ATP1A1: variants seen among roughly 807,000 people sequenced by gnomAD.
ATP1A1 encodes sodium/potassium-transporting ATPase subunit alpha-1.
ATP1A1 carries 14 observed loss-of-function variants against 114.8 expected under a neutral mutation model. The observed-to-expected ratio is 0.12, with a 90% CI of 0.08 to 0.19. ATP1A1 has a LOEUF of 0.19. Ranked by LOEUF, ATP1A1 falls within the 10% of genes least tolerant of loss-of-function variation. ATP1A1 has a pLI of 1.00. For missense variants in ATP1A1, 524 were observed against 1,290.7 expected (o/e 0.41, Z 9.10); for synonymous variants, 471 against 466.3 (o/e 1.01, Z -0.13).
At chr1:116,400,691 AT>A (rs945182141) in intron 18 of ATP1A1, among the ~76,000 whole-genome samples, 169 bp from the exon 19 acceptor site, 1 of 152,116 alleles carries the variant, frequency 6.6e-6, no homozygotes, top group Non-Finnish European at 1.5e-5. Context: ...CCTCCATCCC[AT>A]CCCTCATAGC....
At chr1:116,378,893 G>T (rs1651549113) in intron 1 of ATP1A1, among the ~76,000 whole-genome samples, 1 of 152,160 alleles carries the variant, frequency 6.6e-6, no homozygotes. Context: ...CAGAAAGGGG[G>T]AGTTAAGGAA....
At chr1:116,374,201 C>T (rs1230913968) in intron 1 of ATP1A1, 1 of 1,550,984 alleles carries the variant, frequency 6.4e-7, no homozygotes, top group Middle Eastern at 1.8e-4. Flanking sequence ...GGGCTGGTGC[C>T]AGAAAGGGTG....
intron 10 of ATP1A1, 90 bp downstream of exon 10, chr1:116,390,981 C>A: frequency 2.7e-6 from 3 of 1,107,660 alleles, no homozygotes; most frequent in Non-Finnish European, 2.7e-6. Context: ...CCTTTGTGGT[C>A]TGTGTGACTG....
intron 1 of ATP1A1, chr1:116,374,353 G>A: frequency 6.7e-7 from 1 of 1,500,086 alleles, no homozygotes; most frequent in African/African-American, 1.4e-5. Flanking sequence ...TTTTTGAAGG[G>A]ACGAGCCCTG....
intron 1 of ATP1A1, chr1:116,374,077 CGGGTTCGGGGCTCCTTCTCCTGG>C: frequency 7.1e-7 from 1 of 1,416,544 alleles, no homozygotes; most frequent in Non-Finnish European, 9.3e-7. Flanking sequence ...GGGCAGCCTC[CGGGTTCGGGGCTCCTTCTCCTGG>C]GGACGCTGGG....
In ATP1A1 at chr1:116,385,812, G is replaced by A. The variant is rs979042008; in HGVS notation, c.183+970G>A. 1.3e-5 allele frequency: 2 copies of A among 152,188 alleles called. No homozygotes were observed. The highest frequency in any genetic ancestry group is 1.3e-4 in the Admixed American group (2 of 15,276). The allele number at this position is 152,188 out of a possible 1,614,324, so 9.4% of individuals were successfully genotyped here. A position where few individuals can be genotyped will look rare whatever the true frequency, so the allele number is the denominator to read the frequency against. On this transcript the variant is annotated intron_variant, in intron 3 of 22. Transcript: ENST00000295598. The surrounding 1 kb of genome is among the most constrained non-coding windows in gnomAD (Gnocchi z 4.3). The stretch of plus-strand genomic sequence containing the variant: ...CCTTTGCTCACAGAAGTCATCTTCT[G>A]TGTTGATTGTTGGGGTGTAAGAGTA...
chr1:116,391,004 C>T lies in ATP1A1; in HGVS notation c.1332+113C>T, dbSNP rs1652425366. On this transcript the variant is annotated intron_variant, in intron 10 of 22. Coordinates refer to ENST00000295598, the MANE Select transcript of ATP1A1 (RefSeq NM_000701.8). Reference sequence around the variant, plus strand: ...GTCTGTGTGACTGTTCACTGTAGAACACCTGGAGTGGTCTGTGCAGTACTT... The same window carrying T: ...GTCTGTGTGACTGTTCACTGTAGAATACCTGGAGTGGTCTGTGCAGTACTT... The T allele has an allele frequency of 3.4e-6, 3 of 890,074 alleles. No homozygotes were observed. The East Asian group carries it at 7.5e-5, about 22-fold the overall frequency. 55.1% of individuals were successfully genotyped at this position (890,074 alleles called of 1,614,324 possible). A position where few individuals can be genotyped will look rare whatever the true frequency, so the allele number is the denominator to read the frequency against.
intron 1 of ATP1A1, among the ~76,000 whole-genome samples, chr1:116,374,465 A>G (rs546042771): frequency 1.6e-4 from 24 of 152,294 alleles, no homozygotes; most frequent in Middle Eastern, 3.4e-3. Flanking sequence ...GCCGGTTTCC[A>G]GCGTCGCGGA....
chr1:116,374,124 C>G lies in ATP1A1; in HGVS notation c.12+601C>G, dbSNP rs551148528. 161 of 1,541,124 alleles carry G rather than the reference C, an allele frequency of 1.0e-4. 2 individuals carry two copies. The South Asian group carries it at 1.8e-3, about 18-fold the overall frequency. On this transcript the variant is annotated intron_variant, in intron 1 of 22. Transcript: ENST00000295598. ...GGGGACGCTGGGGCTTAGCTTGCTC[C>G]GCGCAGAGGCGGCCGCCCTCCCCCA...
rs1336646309 is a variant in ATP1A1 at position 116,396,716 on chromosome 1, T to C, written c.1955T>C (p.Val652Ala). ...ATTGCTGCCCGCCTCAACATCCCAG[T>C]CAGCCAGGTGAACCCCAGGTAAGGC... ...EDIAARLNIP[V>A]SQVNPRDAKA... Residue 652 changes from valine to alanine, a missense_variant, in exon 14 of 23, where the codon GTC becomes GCC. Around this residue, in one of 8 missense-constraint regions of ATP1A1, gnomAD observed 47 missense variants for 79.8 expected, o/e 0.59. Transcript: ENST00000295598. 1 of 1,589,788 alleles carries C rather than the reference T, an allele frequency of 6.3e-7. No individual in the cohort carries two copies. Among genetic ancestry groups the C allele is most frequent in the East Asian group, 2.3e-5 (1 of 43,964 alleles).
At chr1:116,377,251 C>G (rs1651433277) in intron 1 of ATP1A1, among the ~76,000 whole-genome samples, 1 of 152,170 alleles carries the variant, frequency 6.6e-6, no homozygotes, top group African/African-American at 2.4e-5. Context: ...AATCTATGTT[C>G]TGTTTATGGA....
chr1:116,390,654 T>C, intron 9 of ATP1A1, 128 bp from the exon 10 acceptor site: 2 of 902,976 alleles, frequency 2.2e-6, no homozygotes, highest in Non-Finnish European at 3.5e-6. Flanking sequence ...TAAAATGTGA[T>C]TGGTTTCATT....
chr1:116,398,483 G>T lies in ATP1A1; in HGVS notation c.2125-138G>T. On this transcript the variant is annotated intron_variant, in intron 15 of 22. Coordinates refer to ENST00000295598, the MANE Select transcript of ATP1A1 (RefSeq NM_000701.8). This position sits in a 1 kb window ranked among gnomAD's most constrained non-coding sequence, Gnocchi z 6.1. Reference sequence around the variant, plus strand: ...GCCTGTGTGAATACTTGCCTGTGACGGTTCTCAGGCTTCATAAATAGTCTC... The same window carrying T: ...GCCTGTGTGAATACTTGCCTGTGACTGTTCTCAGGCTTCATAAATAGTCTC... The T allele has an allele frequency of 1.8e-6, 2 of 1,102,000 alleles. No individual in the cohort carries two copies. Among genetic ancestry groups the T allele is most frequent in the Non-Finnish European group, 2.6e-6 (2 of 771,474 alleles). The allele number at this position is 1,102,000 out of a possible 1,614,324, so 68.3% of individuals were successfully genotyped here.
Position 116,394,978 on chromosome 1 carries a change from T to C in ATP1A1, c.1661-132T>C, listed in dbSNP as rs898140715. The stretch of plus-strand genomic sequence containing the variant: ...GTTAAATAAAACCCTCACTCTGTTA[T>C]AAAAATATAGACTTTAAAAATTTTC... On this transcript the variant is annotated intron_variant, in intron 12 of 22. Transcript: ENST00000295598. The C allele has an allele frequency of 1.2e-5, 11 of 888,070 alleles. No individual in the cohort carries two copies. The Admixed American group carries it at 2.6e-4, about 21-fold the overall frequency. The allele number at this position is 888,070 out of a possible 1,614,324, so 55.0% of individuals were successfully genotyped here.
chr1:116,388,343 G>A lies in ATP1A1; in HGVS notation c.501+99G>A. 1 of 1,103,174 alleles carries A rather than the reference G, an allele frequency of 9.1e-7. No homozygotes were observed. Among genetic ancestry groups the A allele is most frequent in the Non-Finnish European group, 1.3e-6 (1 of 746,714 alleles). The allele number at this position is 1,103,174 out of a possible 1,614,324, so 68.3% of individuals were successfully genotyped here. ...AGTTAAGGTTTTCCAAGTATTACAT[G>A]ACTCATCAGAGAGATGGATGTCTTC... On this transcript the variant is annotated intron_variant, in intron 5 of 22. Coordinates refer to ENST00000295598, the MANE Select transcript of ATP1A1 (RefSeq NM_000701.8). The surrounding 1 kb of genome is among the most constrained non-coding windows in gnomAD (Gnocchi z 5.6).
chr1:116,392,601 C>T (rs1652554392), intron 10 of ATP1A1: 2 of 395,216 alleles, frequency 5.1e-6, no homozygotes, highest in East Asian at 4.3e-5. Flanking sequence ...GTGACACCTT[C>T]CCACACCCTT....
intron 3 of ATP1A1, among the ~76,000 whole-genome samples, chr1:116,386,554 T>C (rs1201224347): frequency 2.0e-5 from 3 of 152,218 alleles, no homozygotes; most frequent in Non-Finnish European, 4.4e-5. Flanking sequence ...ATTTTATTTT[T>C]TTTTTGACTT....
rs1000067960 is a variant in ATP1A1, at chr1:116,393,809, G to A, written c.1660+86G>A. 3.8e-6 allele frequency: 5 copies of A among 1,319,870 alleles called. No individual in the cohort carries two copies. In the African/African-American group the frequency reaches 7.4e-5, roughly 20 times the overall value. The allele number at this position is 1,319,870 out of a possible 1,614,324, so 81.8% of individuals were successfully genotyped here. A position where few individuals can be genotyped will look rare whatever the true frequency, so the allele number is the denominator to read the frequency against. On this transcript the variant is annotated intron_variant, in intron 12 of 22. Coordinates refer to ENST00000295598, the MANE Select transcript of ATP1A1 (RefSeq NM_000701.8). This position sits in a 1 kb window ranked among gnomAD's most constrained non-coding sequence, Gnocchi z 5.0. ...GTAGACAGTTAACAAGTGATCCTAT[G>A]AACCTCTATGTCTTGTTGACCTTCC...
chr1:116,393,934 G>A lies in ATP1A1; in HGVS notation c.1660+211G>A, dbSNP rs1260506028. ...AAATGTTCAGCGTATTGGGCTGTGA[G>A]AAACAACGTCCTGATGGTTTGCTTC... On this transcript the variant is annotated intron_variant, in intron 12 of 22. Coordinates refer to ENST00000295598, the MANE Select transcript of ATP1A1 (RefSeq NM_000701.8). The surrounding 1 kb of genome is among the most constrained non-coding windows in gnomAD (Gnocchi z 5.0). Among the ~76,000 whole-genome samples the A allele has an allele frequency of 1.3e-5, 2 of 152,096 alleles. No homozygotes were observed. The highest frequency in any genetic ancestry group is 2.9e-5 in the Non-Finnish European group (2 of 68,022).
Sources: gnomAD v4.1 joint callset for allele counts (sites outside exome capture counted in the v4.1 genomes callset) on GRCh38, gnomAD v4.1.1 for gene constraint, gnomAD v4.1.1 regional missense constraint, Gnocchi (gnomAD v3.1) non-coding constraint, MANE v1.5 for transcripts, NCBI Gene and HGNC (gene_info 2026-07-23, HGNC 2026-07-21) for gene names.